Variants in UBLCP1 observed in about 807,000 individuals in gnomAD.
UBLCP1 encodes ubiquitin-like domain-containing CTD phosphatase 1.
Under a neutral mutation model 42.4 loss-of-function variants are expected in UBLCP1, and 28 were observed. The observed-to-expected ratio is 0.66, with a 90% CI of 0.49 to 0.90. The LOEUF (loss-of-function observed/expected upper bound fraction) is 0.90. Ranked by LOEUF, UBLCP1 falls within the 40% of genes least tolerant of loss-of-function variation. The pLI, the probability that UBLCP1 is intolerant of heterozygous loss-of-function variation, is 0.00. For missense variants in UBLCP1, 279 were observed against 374.5 expected (o/e 0.75, Z 2.10); for synonymous variants, 122 against 120.8 (o/e 1.01, Z -0.07).
intron 10 of UBLCP1, 46 bp downstream of exon 10, chr5:159,283,385 A>C: frequency 3.4e-6 from 5 of 1,471,862 alleles, no homozygotes; most frequent in Non-Finnish European, 4.6e-6. Flanking sequence ...TCAATGAAGA[A>C]AAAATTATCA....
rs148053894 is a variant in UBLCP1 at position 159,264,569 on chromosome 5, C to T, written c.-47+1209C>T. Among the ~76,000 whole-genome samples the T allele has an allele frequency of 2.2e-3, 340 of 152,296 alleles. 1 individual carries two copies. Among genetic ancestry groups the T allele is most frequent in the African/African-American group, 7.1e-3 (295 of 41,564 alleles). On this transcript the variant is annotated intron_variant, in intron 1 of 10. Transcript: ENST00000296786. Reference sequence around the variant, plus strand: ...CACTTGTGGGATAGGTGCTTCGTAACGTTTTTATGCTGCTTTATTAACCAT... The same window carrying T: ...CACTTGTGGGATAGGTGCTTCGTAATGTTTTTATGCTGCTTTATTAACCAT...
chr5:159,266,247 G>C (rs1753389603), intron 1 of UBLCP1, among the ~76,000 whole-genome samples: 1 of 152,164 alleles, frequency 6.6e-6, no homozygotes, highest in Non-Finnish European at 1.5e-5. Flanking sequence ...GGTCTCAGAT[G>C]GAAATGAGGA....
At chr5:159,279,285 A>G (rs1562101127) in intron 9 of UBLCP1, among the ~76,000 whole-genome samples, 1 of 152,238 alleles carries the variant, frequency 6.6e-6, no homozygotes, top group Admixed American at 6.5e-5. Flanking sequence ...TTAGCATGCA[A>G]CTGCATGCAG....
intron 8 of UBLCP1, among the ~76,000 whole-genome samples, chr5:159,277,437 G>C (rs1051756426): frequency 1.3e-5 from 2 of 151,824 alleles, no homozygotes; most frequent in Non-Finnish European, 1.5e-5. Flanking sequence ...TAAGACTTCT[G>C]TCTTCAGCAA....
chr5:159,270,814 A>T (rs1312138174), intron 5 of UBLCP1, among the ~76,000 whole-genome samples, 171 bp downstream of exon 5: 3 of 132,228 alleles, frequency 2.3e-5, no homozygotes, highest in Non-Finnish European at 3.5e-5. Flanking sequence ...AGCAAAAAAA[A>T]AAGTCATCTG....
intron 10 of UBLCP1, among the ~76,000 whole-genome samples, 199 bp from the exon 11 acceptor site, chr5:159,284,703 CAG>C (rs1753649038): frequency 6.6e-6 from 1 of 152,162 alleles, no homozygotes; most frequent in Non-Finnish European, 1.5e-5. Context: ...AGTAACTCCT[CAG>C]AGCTGTTGTG....
chr5:159,273,753 T>C (rs1003698811), intron 6 of UBLCP1, among the ~76,000 whole-genome samples: 13 of 152,006 alleles, frequency 8.6e-5, no homozygotes, highest in African/African-American at 3.1e-4. Flanking sequence ...ACGTGTAAGG[T>C]GATTCTTCTG....
At chr5:159,281,533 T>A (rs913395366) in intron 9 of UBLCP1, among the ~76,000 whole-genome samples, 5 of 152,156 alleles carry the variant, frequency 3.3e-5, no homozygotes, top group Admixed American at 3.3e-4. Flanking sequence ...AAATGCTGAT[T>A]TCTGAGGAGA....
intron 6 of UBLCP1, among the ~76,000 whole-genome samples, chr5:159,272,464 G>A (rs1173133566): frequency 6.6e-6 from 1 of 151,226 alleles, no homozygotes; most frequent in Non-Finnish European, 1.5e-5. Flanking sequence ...GTGTTGCCCA[G>A]ACTGGTTTTG....
intron 1 of UBLCP1, among the ~76,000 whole-genome samples, chr5:159,268,057 G>C (rs1240875485): frequency 6.6e-6 from 1 of 151,440 alleles, no homozygotes; most frequent in African/African-American, 2.4e-5. Context: ...TCTGTAACTA[G>C]CTATGTGTCT....
chr5:159,279,941 T>G (rs1753588274), intron 9 of UBLCP1, among the ~76,000 whole-genome samples: 1 of 152,200 alleles, frequency 6.6e-6, no homozygotes, highest in African/African-American at 2.4e-5. Context: ...ATCATTAGTT[T>G]CATGTTTGTT....
chr5:159,283,179 G>A (rs1753627732), intron 9 of UBLCP1, 33 bp from the exon 10 acceptor site: 1 of 1,582,182 alleles, frequency 6.3e-7, no homozygotes. Flanking sequence ...TTATCACATT[G>A]TGATGTGTTG....
intron 8 of UBLCP1, 113 bp downstream of exon 8, chr5:159,275,359 A>C: frequency 1.5e-6 from 1 of 682,278 alleles, no homozygotes; most frequent in Non-Finnish European, 2.3e-6. Context: ...TGAATAATAA[A>C]GTGGTTGAGT....
rs943595007 is a variant in UBLCP1 at position 159,263,349 on chromosome 5, A to G, written c.-58A>G. ...TTCTGCGTCCGCTGCCGCAGGTTCCACCGCGCTCCAGGTGAGGGGTTGCGG... is the reference window on the plus strand; with the variant it reads ...TTCTGCGTCCGCTGCCGCAGGTTCCGCCGCGCTCCAGGTGAGGGGTTGCGG... On this transcript the variant is annotated 5_prime_UTR_variant, in exon 1 of 11. Transcript: ENST00000296786. The G allele has an allele frequency of 6.6e-6, 1 of 152,094 alleles. No individual in the cohort carries two copies. The highest frequency in any genetic ancestry group is 1.5e-5 in the Non-Finnish European group (1 of 68,014). 9.4% of individuals were successfully genotyped at this position (152,094 alleles called of 1,614,324 possible).
intron 9 of UBLCP1, among the ~76,000 whole-genome samples, chr5:159,281,790 C>T (rs1753610240): frequency 6.6e-6 from 1 of 151,586 alleles, no homozygotes; most frequent in Admixed American, 6.6e-5. Context: ...GTTCTTGCTT[C>T]TCAGTAAGTG....
intron 1 of UBLCP1, among the ~76,000 whole-genome samples, chr5:159,264,142 G>T (rs935996796): frequency 6.6e-6 from 1 of 152,186 alleles, no homozygotes; most frequent in Non-Finnish European, 1.5e-5. Context: ...TTGTTGAGAA[G>T]ACTGAGGCCA....
intron 1 of UBLCP1, 65 bp from the exon 2 acceptor site, chr5:159,268,805 C>G (rs746151868): frequency 2.5e-4 from 314 of 1,241,416 alleles, no homozygotes; most frequent in Admixed American, 5.5e-4. Flanking sequence ...ACACATAAAA[C>G]TTAAAAGTTT....
chr5:159,275,076 G>T, intron 7 of UBLCP1, 72 bp from the exon 8 acceptor site: 3 of 1,330,870 alleles, frequency 2.3e-6, no homozygotes, highest in Non-Finnish European at 3.2e-6. Context: ...AGAAATTGCA[G>T]CTAGAATATT....
intron 1 of UBLCP1, among the ~76,000 whole-genome samples, chr5:159,266,037 T>C (rs1435438104): frequency 1.3e-5 from 2 of 152,214 alleles, no homozygotes; most frequent in Non-Finnish European, 2.9e-5. Flanking sequence ...TTGGTACTAG[T>C]AGAGTGGGGC....
Sources: allele counts gnomAD v4.1 joint callset (sites outside exome capture counted in the v4.1 genomes callset), GRCh38; gene constraint gnomAD v4.1.1; transcripts MANE v1.5; gene names NCBI Gene and HGNC (gene_info 2026-07-23, HGNC 2026-07-21).